Variants in RGS7 observed in about 807,000 individuals in gnomAD.
The protein encoded by RGS7 is regulator of G-protein signaling 7.
A neutral mutation model predicts 81.1 loss-of-function variants in RGS7; 27 were observed. The ratio of observed to expected loss-of-function variants is 0.33; its 90% CI spans 0.25 to 0.46. The LOEUF (loss-of-function observed/expected upper bound fraction) is 0.46, where lower values mean the gene tolerates loss of function less well. RGS7 is among the 20% of genes least tolerant of loss of function. The pLI, the probability that RGS7 is intolerant of heterozygous loss-of-function variation, is 1.00. For synonymous variants in RGS7, 208 were observed against 207.7 expected (o/e 1.00, Z -0.01); for missense variants, 396 against 607.4 (o/e 0.65, Z 3.66).
intron 6 of RGS7, among the ~76,000 whole-genome samples, chr1:240,878,485 CTTTCTTTTTTTT>C (rs1163985088): frequency 2.4e-4 from 22 of 90,384 alleles, no homozygotes; most frequent in Admixed American, 1.9e-3. Flanking sequence ...TTTCTTTTTT[CTTTCTTTTTTTT>C]TTTTTTTTGC....
chr1:241,109,352 C>T (rs1442189522), intron 2 of RGS7, among the ~76,000 whole-genome samples: 1 of 152,120 alleles, frequency 6.6e-6, no homozygotes, highest in Non-Finnish European at 1.5e-5. Flanking sequence ...TATCCCTCCC[C>T]CTACCTCTCT....
intron 12 of RGS7, 72 bp downstream of exon 12, chr1:240,814,644 T>G: frequency 2.2e-6 from 2 of 922,474 alleles, no homozygotes; most frequent in Non-Finnish European, 3.6e-6. Context: ...CCCACAGTTC[T>G]CTTTCATTTT....
intron 2 of RGS7, among the ~76,000 whole-genome samples, chr1:241,266,348 T>C (rs60903567): frequency 0.28 from 42,120 of 152,116 alleles, 6,028 homozygotes; most frequent in South Asian, 0.33. Context: ...ATGCCAGGTT[T>C]TTGTGATTTT....
chr1:240,954,854 G>C (rs1422905008), intron 4 of RGS7, among the ~76,000 whole-genome samples: 1 of 152,006 alleles, frequency 6.6e-6, no homozygotes, highest in Non-Finnish European at 1.5e-5. Flanking sequence ...AAATCCCAAA[G>C]AATCTACAAA....
intron 2 of RGS7, among the ~76,000 whole-genome samples, chr1:241,100,301 G>A (rs948516194): frequency 3.3e-5 from 5 of 150,610 alleles, no homozygotes; most frequent in Admixed American, 6.6e-5. Context: ...AGTGAACCCA[G>A]GAGGCAGAGC....
At chr1:241,115,351 C>T (rs2065816169) in intron 2 of RGS7, among the ~76,000 whole-genome samples, 1 of 152,134 alleles carries the variant, frequency 6.6e-6, no homozygotes, top group Admixed American at 6.5e-5. Flanking sequence ...TTCTAAAAGA[C>T]CAAATTAACC....
chr1:240,863,572 A>G (rs1240223986), intron 9 of RGS7, among the ~76,000 whole-genome samples: 1 of 152,240 alleles, frequency 6.6e-6, no homozygotes, highest in Non-Finnish European at 1.5e-5. Flanking sequence ...AATATTGAAG[A>G]TAGGACTTAT....
chr1:241,335,690 C>T (rs1390547428), intron 2 of RGS7, among the ~76,000 whole-genome samples: 1 of 142,424 alleles, frequency 7.0e-6, no homozygotes, highest in Non-Finnish European at 1.5e-5. Flanking sequence ...GATTTTAAAA[C>T]ACACACACAC....
intron 2 of RGS7, among the ~76,000 whole-genome samples, chr1:241,337,731 C>T (rs1354207147): frequency 6.6e-6 from 1 of 152,192 alleles, no homozygotes; most frequent in Non-Finnish European, 1.5e-5. Context: ...CCTCCACCTG[C>T]AAATTCTGGT....
intron 18 of RGS7, among the ~76,000 whole-genome samples, chr1:240,794,454 C>T (rs1686648471): frequency 6.6e-6 from 1 of 152,128 alleles, no homozygotes; most frequent in Non-Finnish European, 1.5e-5. Flanking sequence ...GATCCCAGGC[C>T]ACCAGGTCAA....
At chr1:240,990,099 T>C (rs866806526) in intron 3 of RGS7, among the ~76,000 whole-genome samples, 1 of 152,224 alleles carries the variant, frequency 6.6e-6, no homozygotes, top group East Asian at 1.9e-4. Flanking sequence ...GGGTCTCAGC[T>C]GCAGGGAGGT....
At chr1:240,920,680 AT>A (rs752757129) in intron 6 of RGS7, 7 of 763,780 alleles carry the variant, frequency 9.2e-6, no homozygotes, top group African/African-American at 1.7e-5. Flanking sequence ...GTTACCACAG[AT>A]TTGTGAACTC....
At chr1:241,211,259 C>A (rs911188531) in intron 2 of RGS7, among the ~76,000 whole-genome samples, 1 of 151,930 alleles carries the variant, frequency 6.6e-6, no homozygotes, top group African/African-American at 2.4e-5. Context: ...CACTCCAGAC[C>A]CTGTGTGTTT....
chr1:241,297,504 C>T (rs944687864), intron 2 of RGS7, among the ~76,000 whole-genome samples: 1 of 152,178 alleles, frequency 6.6e-6, no homozygotes, highest in Non-Finnish European at 1.5e-5. Context: ...CCATAATAAG[C>T]TCTGTGATCC....
At chr1:241,138,578 T>C (rs2067694753) in intron 2 of RGS7, among the ~76,000 whole-genome samples, 1 of 152,216 alleles carries the variant, frequency 6.6e-6, no homozygotes, top group Non-Finnish European at 1.5e-5. Context: ...GGTCCAGCTG[T>C]AGCAGAGCCA....
chr1:241,045,683 A>G lies in RGS7; in HGVS notation c.175+52983T>C, dbSNP rs568900655. On this transcript the variant is annotated intron_variant, in intron 3 of 18. Coordinates refer to ENST00000440928, the MANE Select transcript of RGS7 (RefSeq NM_001364886.1). ...CTGGCCTGTCTAGGTATCACTGAACAGTGAACGCTATTCTACGCAGGCTTG... is the reference window on the plus strand; with the variant it reads ...CTGGCCTGTCTAGGTATCACTGAACGGTGAACGCTATTCTACGCAGGCTTG... Among the ~76,000 whole-genome samples, 39 of 152,292 alleles carry G rather than the reference A, an allele frequency of 2.6e-4. No homozygotes were observed. The South Asian group carries it at 8.1e-3, about 32-fold the overall frequency.
At chr1:241,236,538 T>A (rs2075986497) in intron 2 of RGS7, among the ~76,000 whole-genome samples, 1 of 152,168 alleles carries the variant, frequency 6.6e-6, no homozygotes, top group African/African-American at 2.4e-5. Context: ...ATAAACACAT[T>A]GGTTATGGAC....
chr1:240,826,123 C>T (rs572944130), intron 10 of RGS7, among the ~76,000 whole-genome samples: 34 of 152,312 alleles, frequency 2.2e-4, no homozygotes, highest in African/African-American at 8.2e-4. Context: ...ACAGACCAGA[C>T]AGGCTTGCTT....
At chr1:240,869,701 A>G (rs1355616801) in intron 7 of RGS7, among the ~76,000 whole-genome samples, 1 of 152,186 alleles carries the variant, frequency 6.6e-6, no homozygotes, top group African/African-American at 2.4e-5. Flanking sequence ...ACACTTTAGG[A>G]GGCTGAGGCG....
Sources: allele counts gnomAD v4.1 joint callset (sites outside exome capture counted in the v4.1 genomes callset), GRCh38; gene constraint gnomAD v4.1.1; transcripts MANE v1.5; gene names NCBI Gene and HGNC (gene_info 2026-07-23, HGNC 2026-07-21).